Variants in FKBP5 observed in about 807,000 individuals in gnomAD.
FKBP5 encodes FKBP prolyl isomerase 5.
A neutral mutation model predicts 50.5 loss-of-function variants in FKBP5; 23 were observed. That is an observed-to-expected ratio of 0.46 (90% CI 0.33 to 0.65). FKBP5 has a LOEUF of 0.65. FKBP5 is among the 30% of genes least tolerant of loss of function. The probability of loss-of-function intolerance (pLI) is 0.02; values close to 1 mark genes in which losing one functional copy is unlikely to be tolerated. For synonymous variants in FKBP5, 176 were observed against 190.6 expected (o/e 0.92, Z 0.63); for missense variants, 411 against 553.1 (o/e 0.74, Z 2.58).
At chr6:35,703,270 G>A (rs1295080259) in intron 2 of FKBP5, among the ~76,000 whole-genome samples, 1 of 151,970 alleles carries the variant, frequency 6.6e-6, no homozygotes, top group African/African-American at 2.4e-5. Context: ...AAATTAGCCA[G>A]GTGTGGTAGT....
At chr6:35,598,020 T>C (rs758332331) in intron 5 of FKBP5, among the ~76,000 whole-genome samples, 19 of 152,308 alleles carry the variant, frequency 1.2e-4, no homozygotes, top group Non-Finnish European at 2.2e-4. Context: ...AAAGAATCAA[T>C]AGTCTACTAT....
intron 2 of FKBP5, among the ~76,000 whole-genome samples, chr6:35,702,801 G>A (rs1766214264): frequency 6.6e-6 from 1 of 151,846 alleles, no homozygotes; most frequent in African/African-American, 2.4e-5. Context: ...AACTAAAAAT[G>A]GATCCTGACC....
intron 1 of FKBP5, among the ~76,000 whole-genome samples, chr6:35,657,231 AAAG>A (rs762195479): frequency 1.3e-5 from 2 of 152,354 alleles, no homozygotes; most frequent in Non-Finnish European, 2.9e-5. Context: ...AAAAAAGAAA[AAAG>A]AAAAAATTAA....
intron 3 of FKBP5, among the ~76,000 whole-genome samples, chr6:35,621,577 C>T (rs977362785): frequency 2.7e-5 from 4 of 149,542 alleles, no homozygotes; most frequent in Non-Finnish European, 5.9e-5. Context: ...GAGATCATGC[C>T]ACTGCACTCC....
intron 5 of FKBP5, among the ~76,000 whole-genome samples, chr6:35,597,631 TAA>T (rs1160630219): frequency 6.6e-6 from 1 of 152,224 alleles, no homozygotes; most frequent in Non-Finnish European, 1.5e-5. Flanking sequence ...TTTGTATCAA[TAA>T]GACAGTTTAG....
At chr6:35,693,076 T>TA (rs35498093), upstream of FKBP5, among the ~76,000 whole-genome samples, 1,128 of 80,770 alleles carry the variant, frequency 0.014, 15 homozygotes, top group Non-Finnish European at 0.018. Flanking sequence ...TCTTTTCAGC[T>TA]AAAAAAAAAA....
At chr6:35,625,244 T>C (rs1763959532) in intron 3 of FKBP5, among the ~76,000 whole-genome samples, 1 of 151,904 alleles carries the variant, frequency 6.6e-6, no homozygotes, top group African/African-American at 2.4e-5. Flanking sequence ...CCACTACGCT[T>C]AGGTAATTTT....
chr6:35,722,848 T>C lies in FKBP5; in HGVS notation c.-240-2300A>G, dbSNP rs538662035. Among the ~76,000 whole-genome samples, 171 of 152,328 alleles carry C rather than the reference T, an allele frequency of 1.1e-3. 1 individual carries two copies. The highest frequency in any genetic ancestry group is 1.6e-3 in the Admixed American group (25 of 15,304). On this transcript the variant is annotated intron_variant, in intron 1 of 11. Coordinates refer to the FKBP5 transcript ENST00000536438. ...CCAAGTAAACCAGGGACTCAGACTT[T>C]CCAAGTAGCCCATAGGAGGGCAGCG...
At chr6:35,592,306 C>T (rs1001679300) in intron 6 of FKBP5, among the ~76,000 whole-genome samples, 1 of 152,170 alleles carries the variant, frequency 6.6e-6, no homozygotes, top group Non-Finnish European at 1.5e-5. Flanking sequence ...TTGTTGCTTG[C>T]ACCACTTTCT....
At chr6:35,642,990 A>G in intron 1 of FKBP5, 147 bp from the exon 2 acceptor site, 1 of 586,474 alleles carries the variant, frequency 1.7e-6, no homozygotes, top group Non-Finnish European at 3.0e-6. Flanking sequence ...GGCATTTGCT[A>G]TGAGCATGTA....
chr6:35,638,281 T>G (rs1302899371), intron 2 of FKBP5, among the ~76,000 whole-genome samples: 1 of 152,236 alleles, frequency 6.6e-6, no homozygotes, highest in Non-Finnish European at 1.5e-5. Flanking sequence ...GGAGTTTGCT[T>G]TGAGTTTTAT....
chr6:35,580,315 C>G (rs1762385038), intron 8 of FKBP5, 94 bp from the exon 9 acceptor site: 2 of 950,466 alleles, frequency 2.1e-6, no homozygotes. Context: ...TCCAGCAAAC[C>G]CTGGTACAGC....
intron 1 of FKBP5, among the ~76,000 whole-genome samples, chr6:35,683,115 C>CGTGTGTGTGTGT (rs1191313976): frequency 1.8e-5 from 1 of 56,196 alleles, no homozygotes; most frequent in African/African-American, 5.8e-5. Context: ...TATATATATA[C>CGTGTGTGTGTGT]GTATATGTGT....
At chr6:35,663,397 C>T (rs1765125102) in intron 1 of FKBP5, among the ~76,000 whole-genome samples, 1 of 152,172 alleles carries the variant, frequency 6.6e-6, no homozygotes, top group Non-Finnish European at 1.5e-5. Flanking sequence ...AACATTATTC[C>T]AAAGGCAACA....
chr6:35,615,340 T>A (rs1359904687), intron 5 of FKBP5, among the ~76,000 whole-genome samples: 1 of 152,064 alleles, frequency 6.6e-6, no homozygotes, highest in East Asian at 1.9e-4. Context: ...AATGCCTTTC[T>A]CCAATAAAAG....
In FKBP5 at chr6:35,582,925, A is replaced by G. The variant is rs74781741; in HGVS notation, c.841-2704T>C. 71 of 889,248 alleles carry G rather than the reference A, an allele frequency of 8.0e-5. 1 individual carries two copies. In the East Asian group the frequency reaches 8.1e-3, roughly 101 times the overall value. The allele number at this position is 889,248 out of a possible 1,614,324, so 55.1% of individuals were successfully genotyped here. ...GAAATCAAAGGAATGTAAATATGGA[A>G]TCAAGACTTTTTCTAAAGTGGTGTG... On this transcript the variant is annotated intron_variant, in intron 8 of 10. Transcript: ENST00000357266.
At chr6:35,631,995 A>T (rs1450594863) in intron 3 of FKBP5, among the ~76,000 whole-genome samples, 3 of 150,360 alleles carry the variant, frequency 2.0e-5, no homozygotes, top group Non-Finnish European at 3.0e-5. Context: ...TAATTCTTTC[A>T]TCCTCCAAAT....
At chr6:35,663,537 TATACATGCTG>T (rs1399797273) in intron 1 of FKBP5, among the ~76,000 whole-genome samples, 3 of 152,238 alleles carry the variant, frequency 2.0e-5, no homozygotes, top group Non-Finnish European at 4.4e-5. Context: ...CTTAATACCC[TATACATGCTG>T]ATCACTCGCT....
chr6:35,683,816 T>G (rs1298766469), intron 1 of FKBP5, among the ~76,000 whole-genome samples: 3 of 151,154 alleles, frequency 2.0e-5, no homozygotes, highest in African/African-American at 7.3e-5. Context: ...CTTTGGGAGG[T>G]CGAGGCAGGC....
Sources: gnomAD v4.1 joint callset for allele counts (sites outside exome capture counted in the v4.1 genomes callset) on GRCh38, gnomAD v4.1.1 for gene constraint, MANE v1.5 for transcripts, NCBI Gene and HGNC (gene_info 2026-07-23, HGNC 2026-07-21) for gene names.